LGR6: variants seen among roughly 807,000 people sequenced by gnomAD.
The protein encoded by LGR6 is leucine-rich repeat-containing G protein-coupled receptor 6.
Under a neutral mutation model 69.4 loss-of-function variants are expected in LGR6, and 45 were observed. The observed-to-expected ratio is 0.65, with a 90% confidence interval of 0.51 to 0.83. The LOEUF (loss-of-function observed/expected upper bound fraction) is 0.83, where lower values mean the gene tolerates loss of function less well. Among genes scored for constraint, LGR6 ranks in the 40% least tolerant of loss-of-function variants. The pLI is 0.00. For missense variants in LGR6, 1,108 were observed against 1,246.7 expected, an observed-to-expected ratio of 0.89 and a Z score of 1.68; for synonymous variants, 538 against 555.0, an observed-to-expected ratio of 0.97 and a Z score of 0.43.
intron 5 of LGR6, among the ~76,000 whole-genome samples, chr1:202,279,845 G>T (rs1037738775): frequency 6.6e-6 from 1 of 152,128 alleles, no homozygotes; most frequent in African/African-American, 2.4e-5. Context: ...TAAATTTATT[G>T]ACTCATTTTT....
intron 1 of LGR6, among the ~76,000 whole-genome samples, chr1:202,224,653 C>A (rs1196823656): frequency 1.3e-5 from 2 of 152,356 alleles, no homozygotes; most frequent in Non-Finnish European, 2.9e-5. Flanking sequence ...AGACCCCTCG[C>A]ATGCGCAGTT....
At chr1:202,286,387 A>G (rs1472840293) in intron 6 of LGR6, among the ~76,000 whole-genome samples, 1 of 152,212 alleles carries the variant, frequency 6.6e-6, no homozygotes, top group African/African-American at 2.4e-5. Context: ...AGAATTAGAA[A>G]TATTTTTTTT....
At chr1:202,237,046 T>C (rs1661626185) in intron 4 of LGR6, among the ~76,000 whole-genome samples, 2 of 152,252 alleles carry the variant, frequency 1.3e-5, no homozygotes, top group South Asian at 4.2e-4. Context: ...CCCCCCGTGG[T>C]GAGGGCTTTC....
intron 1 of LGR6, among the ~76,000 whole-genome samples, chr1:202,205,856 AC>A (rs776007088): frequency 1.5e-5 from 2 of 136,002 alleles, no homozygotes; most frequent in East Asian, 2.2e-4. Flanking sequence ...TCAAACACAC[AC>A]CTCCTTCAAA....
chr1:202,315,803 G>A (rs1266356524), intron 17 of LGR6, among the ~76,000 whole-genome samples: 1 of 152,206 alleles, frequency 6.6e-6, no homozygotes, highest in African/African-American at 2.4e-5. Context: ...CCAGCTTGGG[G>A]CCAGAGCACT....
chr1:202,212,688 C>T (rs779167599), intron 1 of LGR6, among the ~76,000 whole-genome samples: 1 of 152,254 alleles, frequency 6.6e-6, no homozygotes, highest in Non-Finnish European at 1.5e-5. Flanking sequence ...CTCAGATAAT[C>T]CAGGAGGATC....
intron 7 of LGR6, among the ~76,000 whole-genome samples, chr1:202,300,513 G>A (rs911897362): frequency 2.0e-5 from 3 of 152,084 alleles, no homozygotes; most frequent in African/African-American, 7.2e-5. Context: ...AAATTAGCGA[G>A]GTGCAGTGGC....
chr1:202,202,109 C>T (rs1658859711), intron 1 of LGR6, among the ~76,000 whole-genome samples: 2 of 152,018 alleles, frequency 1.3e-5, no homozygotes, highest in African/African-American at 4.8e-5. Context: ...AGGCTTGAGT[C>T]CTGAAGACCA....
In LGR6 at chr1:202,310,105, C is replaced by T. The variant is rs546739020; in HGVS notation, c.1407-92C>T. Reference sequence around the variant, plus strand: ...AGTTGAAGGACAGACACTGAGTGCCCAGCCCCTGGGTTGCAGATCTCTTAA... The same window carrying T: ...AGTTGAAGGACAGACACTGAGTGCCTAGCCCCTGGGTTGCAGATCTCTTAA... On this transcript the variant is annotated intron_variant, in intron 15 of 17. Coordinates refer to ENST00000367278, the MANE Select transcript of LGR6 (RefSeq NM_001017403.2). 23 of 1,332,226 alleles carry T rather than the reference C, an allele frequency of 1.7e-5. No homozygotes were observed. In the East Asian group the frequency reaches 5.1e-4, roughly 29 times the overall value. 82.5% of individuals were successfully genotyped at this position (1,332,226 alleles called of 1,614,324 possible).
chr1:202,314,088 CT>C (rs1375401141), intron 16 of LGR6, among the ~76,000 whole-genome samples: 1 of 152,174 alleles, frequency 6.6e-6, no homozygotes, highest in African/African-American at 2.4e-5. Context: ...ATTGTGGGAA[CT>C]TACTCTTGTT....
intron 1 of LGR6, among the ~76,000 whole-genome samples, chr1:202,204,448 C>CTTCAA (rs1658977057): frequency 5.6e-5 from 2 of 35,700 alleles, no homozygotes; most frequent in Non-Finnish European, 1.2e-4. Flanking sequence ...CACACACCTC[C>CTTCAA]ACACACACAC....
chr1:202,258,607 G>T (rs749009309), intron 4 of LGR6, among the ~76,000 whole-genome samples: 1 of 151,638 alleles, frequency 6.6e-6, no homozygotes, highest in Non-Finnish European at 1.5e-5. Context: ...TAATGTAAAG[G>T]GGGTATTTTC....
At position 202,300,858 on chromosome 1, in the gene LGR6, TAAC is replaced by T; in HGVS notation, c.803_805del (p.Asn268del). The T allele has an allele frequency of 6.2e-7, 1 of 1,610,794 alleles. No individual in the cohort carries two copies. The highest frequency in any genetic ancestry group is 8.5e-7 in the Non-Finnish European group (1 of 1,178,592). On this transcript the variant is annotated inframe_deletion, in exon 8 of 18. Coordinates refer to ENST00000367278, the MANE Select transcript of LGR6 (RefSeq NM_001017403.2). Reference sequence around the variant, plus strand: ...TGGTGTTGTCTTCCAGGGGGTTCCATAACAACAACATCAAGGCCATCCCAGAAA... The same window carrying T: ...TGGTGTTGTCTTCCAGGGGGTTCCATAACAACATCAAGGCCATCCCAGAAA...
intron 1 of LGR6, among the ~76,000 whole-genome samples, chr1:202,202,973 G>T (rs1198383941): frequency 6.6e-6 from 1 of 152,140 alleles, no homozygotes; most frequent in African/African-American, 2.4e-5. Flanking sequence ...GTGGTCCCCA[G>T]GCCCAAAGCC....
At chr1:202,247,317 A>AC (rs982939702) in intron 4 of LGR6, among the ~76,000 whole-genome samples, 7 of 151,994 alleles carry the variant, frequency 4.6e-5, no homozygotes, top group Admixed American at 1.3e-4. Flanking sequence ...CCATCCCTCC[A>AC]CCCCCCAGGG....
At chr1:202,308,848 T>G (rs941790238) in intron 14 of LGR6, among the ~76,000 whole-genome samples, 12 of 152,206 alleles carry the variant, frequency 7.9e-5, no homozygotes, top group African/African-American at 2.9e-4. Flanking sequence ...AATAAAAGAA[T>G]GAACAACCTG....
At position 202,318,665 on chromosome 1, in the gene LGR6, C is replaced by T. The variant is rs1434179922; in HGVS notation, c.2362C>T (p.Pro788Ser). 8 of 1,613,832 alleles carry T rather than the reference C, an allele frequency of 5.0e-6. No individual in the cohort carries two copies. In the East Asian group the frequency reaches 1.6e-4, roughly 31 times the overall value. Residue 788 changes from proline (P) to serine (S), a missense_variant, in exon 18 of 18, where the codon CCC (proline) becomes TCC (serine). Pro to Ser is a moderately conservative substitution (Grantham distance 74). Transcript: ENST00000367278. The stretch of plus-strand genomic sequence containing the variant: ...CTTCGCAGACGGGCTCCTCTACTGT[C>T]CCGTGGCCTTCCTCAGCTTTGCCTC... ...LIFADGLLYC[P>S]VAFLSFASML...
In LGR6 at chr1:202,260,139, A is replaced by G. The variant is rs185082488; in HGVS notation, c.429-16167A>G. ...TTTCGGCCTCAGCCTCCTGGGTTCA[A>G]GTGATTCTCCTGCCTCAGCCTCCCG... is the stretch of plus-strand genomic sequence containing the variant. On this transcript the variant is annotated intron_variant, in intron 4 of 17. Transcript: ENST00000367278. Among the ~76,000 whole-genome samples, 8 of 152,208 alleles carry G rather than the reference A, an allele frequency of 5.3e-5. No individual in the cohort carries two copies. In the East Asian group the frequency reaches 1.5e-3, roughly 29 times the overall value.
chr1:202,209,125 CAT>C (rs1419261266), intron 1 of LGR6, among the ~76,000 whole-genome samples: 2 of 152,104 alleles, frequency 1.3e-5, no homozygotes, highest in Admixed American at 6.5e-5. Context: ...TCCTTCCTAT[CAT>C]AGTGTCCCCA....
Sources: gnomAD v4.1 joint callset for allele counts (sites outside exome capture counted in the v4.1 genomes callset) on GRCh38, gnomAD v4.1.1 for gene constraint, MANE v1.5 for transcripts, NCBI Gene and HGNC (gene_info 2026-07-23, HGNC 2026-07-21) for gene names.